GLG1: variants seen among roughly 807,000 people sequenced by gnomAD.
GLG1 encodes golgi glycoprotein 1.
Under a neutral mutation model 160.5 loss-of-function variants are expected in GLG1, and 38 were observed. The observed-to-expected ratio is 0.24, with a 90% CI of 0.18 to 0.31. GLG1 has a LOEUF of 0.31. Among genes scored for constraint, GLG1 ranks in the 10% least tolerant of loss-of-function variants. GLG1 has a pLI of 1.00. For synonymous variants in GLG1, 644 were observed against 543.4 expected, an observed-to-expected ratio of 1.19 and a Z score of -2.57; for missense variants, 1,373 against 1,505.2, an observed-to-expected ratio of 0.91 and a Z score of 1.45.
chr16:74,597,029 T>G (rs955288184), intron 1 of GLG1, among the ~76,000 whole-genome samples: 1 of 151,050 alleles, frequency 6.6e-6, no homozygotes, highest in African/African-American at 2.4e-5. Flanking sequence ...TGAGGTGGGA[T>G]GATCACTCGT....
At chr16:74,544,742 C>T (rs2017997877) in intron 1 of GLG1, among the ~76,000 whole-genome samples, 1 of 152,192 alleles carries the variant, frequency 6.6e-6, no homozygotes, top group African/African-American at 2.4e-5. Context: ...CCTTGTGACC[C>T]TCCCACCTCG....
At chr16:74,468,105 A>G (rs2015065125) in intron 17 of GLG1, 1 of 342,574 alleles carries the variant, frequency 2.9e-6, no homozygotes, top group Non-Finnish European at 5.2e-6. Flanking sequence ...GACTGCTGAG[A>G]TGTGAAAATC....
chr16:74,477,246 GA>G (rs1274342984), intron 12 of GLG1, 149 bp downstream of exon 12: 15 of 688,996 alleles, frequency 2.2e-5, no homozygotes, highest in Non-Finnish European at 3.7e-5. Context: ...ATTTTCCTGA[GA>G]ATTTCTTCCA....
chr16:74,530,929 A>C (rs3096410), intron 2 of GLG1, among the ~76,000 whole-genome samples: 1 of 152,290 alleles, frequency 6.6e-6, no homozygotes, highest in East Asian at 1.9e-4. Flanking sequence ...TCCTGTGAAC[A>C]TTCTATTCAT....
chr16:74,476,015 C>G (rs2015379981), intron 12 of GLG1, among the ~76,000 whole-genome samples: 1 of 151,968 alleles, frequency 6.6e-6, no homozygotes. Context: ...AACCCTGTCT[C>G]TACTAAAATA....
At chr16:74,550,054 G>A (rs1192588642) in intron 1 of GLG1, among the ~76,000 whole-genome samples, 1 of 152,260 alleles carries the variant, frequency 6.6e-6, no homozygotes, top group African/African-American at 2.4e-5. Context: ...GAAAGTTGAG[G>A]CTGCAATGAG....
chr16:74,495,531 A>G (rs2016154326), intron 5 of GLG1, among the ~76,000 whole-genome samples: 1 of 152,206 alleles, frequency 6.6e-6, no homozygotes, highest in Admixed American at 6.5e-5. Context: ...TACACAAGTT[A>G]CTTTCAGTAC....
intron 3 of GLG1, 142 bp from the exon 4 acceptor site, chr16:74,503,888 T>C (rs2016504344): frequency 1.6e-6 from 1 of 624,510 alleles, no homozygotes; most frequent in Non-Finnish European, 2.8e-6. Flanking sequence ...TGCTTAGAAA[T>C]ATATCCAAGG....
chr16:74,465,726 C>T lies in GLG1; in HGVS notation c.2617G>A (p.Asp873Asn). The T allele has an allele frequency of 6.2e-7, 1 of 1,613,846 alleles. No homozygotes were observed. Among genetic ancestry groups the T allele is most frequent in the Non-Finnish European group, 8.5e-7 (1 of 1,179,778 alleles). Residue 873 changes from aspartate to asparagine, a missense_variant, in exon 19 of 26, where the codon GAC becomes AAC. Physicochemically the swap from Asp to Asn is conservative, Grantham distance 23. Around this residue, in one of 4 missense-constraint regions of GLG1, gnomAD observed 491 missense variants for 632.1 expected, o/e 0.78. Coordinates refer to ENST00000422840, the MANE Select transcript of GLG1 (RefSeq NM_001145667.2). ...ATGAGGGTGTAGTCTAGCTCTGGGT[C>T]CATCATCTCTGTCTCCTGCAGCTTA... ...VFKLQETEMM[D>N]PELDYTLMRV...
intron 1 of GLG1, among the ~76,000 whole-genome samples, chr16:74,551,989 G>A (rs1421049028): frequency 6.6e-6 from 1 of 151,586 alleles, no homozygotes; most frequent in Non-Finnish European, 1.5e-5. Flanking sequence ...CTACCGAAGA[G>A]TTAAGTTTAA....
At position 74,449,382 on chromosome 16, in the gene GLG1, A is replaced by T. The variant is rs564235063; in HGVS notation, c.*3785T>A. 6.6e-6 allele frequency: 1 copy of T among 152,376 alleles called. No homozygotes were observed. Among genetic ancestry groups the T allele is most frequent in the African/African-American group, 2.4e-5 (1 of 41,582 alleles). 9.4% of individuals were successfully genotyped at this position (152,376 alleles called of 1,614,324 possible). On this transcript the variant is annotated 3_prime_UTR_variant, in exon 26 of 26. Transcript: ENST00000422840. ...AGACACTTCCAGAAGCCACACTGAC[A>T]TAAGAACAGAATCTTCTCTTGGGAA... is the stretch of plus-strand genomic sequence containing the variant.
intron 1 of GLG1, among the ~76,000 whole-genome samples, chr16:74,560,484 T>C (rs1022509779): frequency 6.7e-6 from 1 of 149,634 alleles, no homozygotes; most frequent in Non-Finnish European, 1.5e-5. Context: ...CAGTAACTAG[T>C]AACTTGACTG....
At chr16:74,462,466 T>C (rs375871187) in intron 21 of GLG1, 22 bp downstream of exon 21, 8 of 1,605,852 alleles carry the variant, frequency 5.0e-6, no homozygotes, top group Non-Finnish European at 6.8e-6. Context: ...TACACCTTTG[T>C]GGAGAGCCCA....
intron 13 of GLG1, chr16:74,474,278 C>T (rs1011904379): frequency 6.0e-6 from 2 of 331,542 alleles, no homozygotes; most frequent in African/African-American, 2.1e-5. Flanking sequence ...AAGGGAGAAA[C>T]AGAGGCAAGT....
intron 1 of GLG1, among the ~76,000 whole-genome samples, chr16:74,579,922 G>A (rs1246139029): frequency 6.6e-6 from 1 of 151,794 alleles, no homozygotes; most frequent in African/African-American, 2.4e-5. Flanking sequence ...AATTAGCTGG[G>A]CGTGGTGGCA....
rs577775286 is a variant in GLG1 at position 74,523,281 on chromosome 16, T to C, written c.471+8840A>G. Among the ~76,000 whole-genome samples the C allele has an allele frequency of 1.9e-4, 29 of 152,300 alleles. No homozygotes were observed. In the East Asian group the frequency reaches 4.8e-3, roughly 25 times the overall value. On this transcript the variant is annotated intron_variant, in intron 2 of 25. Transcript: ENST00000422840. ...ATGGATTTTCCATGAATGGCATACA[T>C]TAAGGGTTAAGATTCTTTATTCAAG...
At chr16:74,464,845 T>A (rs1176707427) in intron 19 of GLG1, among the ~76,000 whole-genome samples, 2 of 140,808 alleles carry the variant, frequency 1.4e-5, no homozygotes, top group African/African-American at 5.2e-5. Context: ...TAAAAAAAAT[T>A]TTTTTTTTCT....
At chr16:74,453,781 T>G (rs1448160547) in intron 25 of GLG1, among the ~76,000 whole-genome samples, 1 of 152,212 alleles carries the variant, frequency 6.6e-6, no homozygotes, top group Non-Finnish European at 1.5e-5. Flanking sequence ...TCTTCTATCT[T>G]TTGGTTTATG....
chr16:74,588,377 G>C (rs1186838050), intron 1 of GLG1, among the ~76,000 whole-genome samples: 1 of 152,144 alleles, frequency 6.6e-6, no homozygotes, highest in Non-Finnish European at 1.5e-5. Flanking sequence ...CAGAGGCTTT[G>C]AATTTTAAAA....
Sources: gnomAD v4.1 joint callset for allele counts (sites outside exome capture counted in the v4.1 genomes callset) on GRCh38, gnomAD v4.1.1 for gene constraint, gnomAD v4.1.1 regional missense constraint, MANE v1.5 for transcripts, NCBI Gene and HGNC (gene_info 2026-07-23, HGNC 2026-07-21) for gene names.